Variants in KIF3C observed in about 807,000 individuals in gnomAD.
The protein encoded by KIF3C is kinesin-like protein KIF3C.
KIF3C carries 12 observed loss-of-function variants against 67.7 expected under a neutral mutation model. The observed-to-expected ratio is 0.18, with a 90% CI of 0.11 to 0.29. KIF3C has a LOEUF of 0.29. Among genes scored for constraint, KIF3C ranks in the 10% least tolerant of loss-of-function variants. KIF3C has a pLI of 1.00. For synonymous variants in KIF3C, 393 were observed against 426.2 expected (o/e 0.92, Z 0.96); for missense variants, 789 against 1,059.6 (o/e 0.74, Z 3.55).
chr2:25,971,188 T>C (rs1195281176), intron 1 of KIF3C, among the ~76,000 whole-genome samples: 12 of 146,560 alleles, frequency 8.2e-5, no homozygotes, highest in African/African-American at 1.3e-4. Flanking sequence ...AGGAGAATGG[T>C]GTGAAGCTGG....
chr2:25,934,723 TTATGA>T (rs1318346056), intron 5 of KIF3C, among the ~76,000 whole-genome samples: 2 of 152,176 alleles, frequency 1.3e-5, no homozygotes, highest in Non-Finnish European at 2.9e-5. Context: ...AATGGTGAAC[TTATGA>T]TAGGTCAACT....
chr2:25,961,947 C>CAAAA lies in KIF3C; in HGVS notation c.1546-5507_1546-5504dup, dbSNP rs201677055. On this transcript the variant is annotated intron_variant, in intron 1 of 7. Transcript: ENST00000264712. ...TGGGTAACAGAATGAGACTCCATCT[C>CAAAA]AAAAAAAAAAAAAAAAGACTCTGTT... Among the ~76,000 whole-genome samples, 60 of 92,468 alleles carry CAAAA rather than the reference C, an allele frequency of 6.5e-4. 1 individual carries two copies. The highest frequency in any genetic ancestry group is 1.5e-3 in the African/African-American group (41 of 28,198). 60.7% of individuals were successfully genotyped at this position (92,468 alleles called of 152,430 possible).
At chr2:25,943,738 G>A in intron 5 of KIF3C, among the ~76,000 whole-genome samples, 1 of 152,002 alleles carries the variant, frequency 6.6e-6, no homozygotes, top group East Asian at 1.9e-4. Context: ...GGTGGCACAT[G>A]CCTGTAATCC....
Position 25,955,519 on chromosome 2 carries a change from C to T in KIF3C, c.1770+22G>A, listed in dbSNP as rs750678577. 1.4e-5 allele frequency: 22 copies of T among 1,613,286 alleles called. No individual in the cohort carries two copies. The highest frequency in any genetic ancestry group is 2.7e-5 in the African/African-American group (2 of 74,896). On this transcript the variant is annotated intron_variant, in intron 3 of 7. Coordinates refer to ENST00000264712, the MANE Select transcript of KIF3C (RefSeq NM_002254.8). The surrounding 1 kb of genome is among the most constrained non-coding windows in gnomAD (Gnocchi z 5.0). Reference sequence around the variant, plus strand: ...TGCTGGGCCTCCAGCACACCTTAACCGGTCCTGCTGCAGCGTCTCACCTTC... The same window carrying T: ...TGCTGGGCCTCCAGCACACCTTAACTGGTCCTGCTGCAGCGTCTCACCTTC...
intron 1 of KIF3C, among the ~76,000 whole-genome samples, chr2:25,964,900 A>G (rs1318670791): frequency 2.0e-5 from 3 of 151,134 alleles, no homozygotes; most frequent in Non-Finnish European, 3.0e-5. Context: ...TCCCCATTAC[A>G]GGAGTCTCAA....
intron 5 of KIF3C, among the ~76,000 whole-genome samples, chr2:25,934,649 C>T (rs1663025150): frequency 6.6e-6 from 1 of 151,976 alleles, no homozygotes; most frequent in Admixed American, 6.6e-5. Flanking sequence ...TCTGAATATA[C>T]TAAAATCCAC....
At chr2:25,956,468 G>C (rs1161377590) in intron 1 of KIF3C, 24 bp from the exon 2 acceptor site, 3 of 1,584,990 alleles carry the variant, frequency 1.9e-6, no homozygotes, top group Middle Eastern at 3.3e-4. Context: ...GGGGTTGGGA[G>C]GTGGGCTTTG....
chr2:25,953,507 C>A (rs941884522), intron 4 of KIF3C, among the ~76,000 whole-genome samples: 2 of 150,480 alleles, frequency 1.3e-5, no homozygotes, highest in Non-Finnish European at 3.0e-5. Flanking sequence ...ACTACAGGCG[C>A]CCGCCACCAC....
At position 25,955,505 on chromosome 2, in the gene KIF3C, C is replaced by A. The variant is rs752527920; in HGVS notation, c.1770+36G>T. 1.2e-6 allele frequency: 2 copies of A among 1,611,198 alleles called. No homozygotes were observed. The highest frequency in any genetic ancestry group is 2.7e-5 in the African/African-American group (2 of 74,872). On this transcript the variant is annotated intron_variant, in intron 3 of 7. Transcript: ENST00000264712. This position sits in a 1 kb window ranked among gnomAD's most constrained non-coding sequence, Gnocchi z 5.0. The stretch of plus-strand genomic sequence containing the variant: ...CCTTGGGCAGAGACTGCTGGGCCTC[C>A]AGCACACCTTAACCGGTCCTGCTGC...
intron 5 of KIF3C, among the ~76,000 whole-genome samples, chr2:25,937,290 C>A (rs925187334): frequency 6.6e-6 from 1 of 152,246 alleles, no homozygotes; most frequent in African/African-American, 2.4e-5. Flanking sequence ...TGGCTGCCTT[C>A]TGCAGCTGGC....
At chr2:25,935,611 C>T (rs1276222484) in intron 5 of KIF3C, among the ~76,000 whole-genome samples, 1 of 152,122 alleles carries the variant, frequency 6.6e-6, no homozygotes, top group Admixed American at 6.6e-5. Context: ...ATCCTTCCAC[C>T]TCAGCCTCCC....
intron 6 of KIF3C, 47 bp downstream of exon 6, chr2:25,929,908 G>C (rs754289057): frequency 1.5e-6 from 2 of 1,353,366 alleles, no homozygotes; most frequent in East Asian, 4.6e-5. Context: ...GAGACACCTC[G>C]CCCGGCCTCC....
At chr2:25,962,982 AT>A (rs1664024418) in intron 1 of KIF3C, among the ~76,000 whole-genome samples, 1 of 41,032 alleles carries the variant, frequency 2.4e-5, no homozygotes, top group Admixed American at 4.9e-4. Context: ...ATAATATATA[AT>A]ATATAATATA....
At chr2:25,962,763 TA>T (rs1211292763) in intron 1 of KIF3C, among the ~76,000 whole-genome samples, 2 of 108,590 alleles carry the variant, frequency 1.8e-5, no homozygotes, top group East Asian at 2.2e-4. Context: ...ATATAATATA[TA>T]TATAAAATAT....
rs2090418291 is a variant in KIF3C at position 25,927,196 on chromosome 2, A to T, written c.*1782T>A. ...AGACAATGCAAAGGCGATGTGTCCA[A>T]GTGATGAATGAGGTGATACGTGCTG... is the stretch of plus-strand genomic sequence containing the variant. On this transcript the variant is annotated 3_prime_UTR_variant, in exon 8 of 8. Transcript: ENST00000264712. 1 of 152,696 alleles carries T rather than the reference A, an allele frequency of 6.5e-6. No individual in the cohort carries two copies. The highest frequency in any genetic ancestry group is 6.6e-5 in the Admixed American group (1 of 15,260). 9.5% of individuals were successfully genotyped at this position (152,696 alleles called of 1,614,324 possible).
chr2:25,946,805 G>C (rs1663451721), intron 5 of KIF3C, among the ~76,000 whole-genome samples: 1 of 151,970 alleles, frequency 6.6e-6, no homozygotes, highest in African/African-American at 2.4e-5. Flanking sequence ...AGTGAGCCGA[G>C]ATCGCGCCAC....
chr2:25,930,493 G>T (rs2090450326), intron 5 of KIF3C, among the ~76,000 whole-genome samples: 1 of 152,002 alleles, frequency 6.6e-6, no homozygotes, highest in Non-Finnish European at 1.5e-5. Flanking sequence ...CGAGTAGCTG[G>T]GATTACAGGC....
intron 5 of KIF3C, among the ~76,000 whole-genome samples, chr2:25,940,499 A>C (rs1229926074): frequency 6.6e-6 from 1 of 150,980 alleles, no homozygotes; most frequent in Non-Finnish European, 1.5e-5. Context: ...TGAACCCAGG[A>C]GTGGGGGTTG....
At chr2:25,951,104 C>T (rs917813794) in intron 5 of KIF3C, among the ~76,000 whole-genome samples, 7 of 149,436 alleles carry the variant, frequency 4.7e-5, no homozygotes, top group African/African-American at 1.7e-4. Context: ...TCCTAAGCAC[C>T]TCTCTCTATA....
Sources: gnomAD v4.1 joint callset for allele counts (sites outside exome capture counted in the v4.1 genomes callset) on GRCh38, gnomAD v4.1.1 for gene constraint, Gnocchi (gnomAD v3.1) non-coding constraint, MANE v1.5 for transcripts, NCBI Gene and HGNC (gene_info 2026-07-23, HGNC 2026-07-21) for gene names.